The following SEL1L3 variants were observed in gnomAD, a reference collection of about 807,000 sequenced individuals.
The protein encoded by SEL1L3 is protein sel-1 homolog 3.
SEL1L3 carries 76 observed loss-of-function variants against 142.8 expected under a neutral mutation model. That is an observed-to-expected ratio of 0.53 (90% confidence interval 0.44 to 0.64). The LOEUF is 0.64. Among genes scored for constraint, SEL1L3 ranks in the 30% least tolerant of loss-of-function variants. SEL1L3 has a pLI of 0.00. For synonymous variants in SEL1L3, 504 were observed against 519.6 expected (o/e 0.97, Z 0.41); for missense variants, 1,262 against 1,381.7 (o/e 0.91, Z 1.37).
intron 13 of SEL1L3, among the ~76,000 whole-genome samples, chr4:25,784,564 TG>T (rs35610827): frequency 6.6e-6 from 1 of 152,164 alleles, no homozygotes; most frequent in Non-Finnish European, 1.5e-5. Context: ...CAGGTACTAC[TG>T]GGGGAAGATA....
chr4:25,862,760 CG>C lies in SEL1L3; in HGVS notation c.76del (p.Arg26GlyfsTer29). Reference sequence around the variant, plus strand: ...GCCACTCGGGACCATGGCTGCGGCCCGGGGGCCGACCGCGAGCGGCGGGGGT... The same window carrying C: ...GCCACTCGGGACCATGGCTGCGGCCCGGGGCCGACCGCGAGCGGCGGGGGT... Reference protein sequence around the residue: ...QQPPPLAVGPRAAAMVPSGGV... With the variant: ...QQPPPLAVGPXAAAMVPSGGV... On this transcript the variant is annotated frameshift_variant, in exon 1 of 24. Coordinates refer to ENST00000399878, the MANE Select transcript of SEL1L3 (RefSeq NM_015187.5). LOFTEE classifies it high-confidence loss of function. 6 of 1,208,638 alleles carry C rather than the reference CG, an allele frequency of 5.0e-6. No individual in the cohort carries two copies. The highest frequency in any genetic ancestry group is 3.9e-5 in the South Asian group (1 of 25,724). The allele number at this position is 1,208,638 out of a possible 1,614,324, so 74.9% of individuals were successfully genotyped here. A position where few individuals can be genotyped will look rare whatever the true frequency, so the allele number is the denominator to read the frequency against.
At chr4:25,855,885 G>A (rs370478484) in intron 1 of SEL1L3, among the ~76,000 whole-genome samples, 1 of 152,128 alleles carries the variant, frequency 6.6e-6, no homozygotes. Context: ...TCTTATACTC[G>A]TAAGTTCTCT....
At chr4:25,787,680 T>C (rs1030037364) in intron 13 of SEL1L3, among the ~76,000 whole-genome samples, 3 of 152,194 alleles carry the variant, frequency 2.0e-5, no homozygotes, top group Admixed American at 2.0e-4. Flanking sequence ...GGTCCTATTA[T>C]CTCACTCAAT....
the SEL1L3 span, among the ~76,000 whole-genome samples, chr4:25,717,379 G>T: frequency 3.3e-5 from 5 of 152,084 alleles, no homozygotes; most frequent in African/African-American, 4.8e-5. Flanking sequence ...AAAAACCAAT[G>T]ATTGTGCAGG....
rs147869619 is a variant in SEL1L3 at position 25,837,856 on chromosome 4, A to C, written c.734-2533T>G. Among the ~76,000 whole-genome samples the C allele has an allele frequency of 4.3e-4, 65 of 152,282 alleles. No homozygotes were observed. In the East Asian group the frequency reaches 9.8e-3, roughly 23 times the overall value. Reference sequence around the variant, plus strand: ...ATGGCTGAGTGCAATGCTATAATTGACTAGTGATGTCTTGTCATGGGCAGT... The same window carrying C: ...ATGGCTGAGTGCAATGCTATAATTGCCTAGTGATGTCTTGTCATGGGCAGT... On this transcript the variant is annotated intron_variant, in intron 2 of 23. Transcript: ENST00000399878.
chr4:25,766,456 A>AT (rs1352185717), intron 19 of SEL1L3, among the ~76,000 whole-genome samples: 4 of 146,718 alleles, frequency 2.7e-5, no homozygotes, highest in Non-Finnish European at 4.5e-5. Context: ...AAAAAAAAAA[A>AT]GGGTGTATGT....
chr4:25,855,763 G>GAA (rs199696597), intron 1 of SEL1L3, among the ~76,000 whole-genome samples: 2 of 145,156 alleles, frequency 1.4e-5, no homozygotes, highest in Admixed American at 6.9e-5. Context: ...TCCGTCTCAG[G>GAA]AAAAAAAAAA....
intron 17 of SEL1L3, among the ~76,000 whole-genome samples, chr4:25,770,875 T>C (rs1293979822): frequency 1.3e-5 from 2 of 152,220 alleles, no homozygotes; most frequent in South Asian, 2.1e-4. Context: ...TACTGAGCAG[T>C]GAGCTCTAGG....
At chr4:25,778,639 A>G (rs1455289922) in intron 16 of SEL1L3, among the ~76,000 whole-genome samples, 1 of 152,144 alleles carries the variant, frequency 6.6e-6, no homozygotes, top group Non-Finnish European at 1.5e-5. Flanking sequence ...GAGTGAGCTG[A>G]GTAGTGGGAG....
chr4:25,834,314 C>T (rs1392017443), intron 3 of SEL1L3, among the ~76,000 whole-genome samples: 1 of 152,180 alleles, frequency 6.6e-6, no homozygotes, highest in Non-Finnish European at 1.5e-5. Flanking sequence ...ACTGAACACC[C>T]CTTGATACCG....
intron 2 of SEL1L3, among the ~76,000 whole-genome samples, chr4:25,839,426 C>A (rs115034238): frequency 0.012 from 1,864 of 152,242 alleles, 40 homozygotes; most frequent in African/African-American, 0.042. Context: ...TGGTTAAAAG[C>A]AACAGCATGA....
At chr4:25,770,169 C>T (rs67405418) in intron 17 of SEL1L3, 40,811 of 152,044 alleles carry the variant, frequency 0.27, 6,160 homozygotes, top group Admixed American at 0.34. Context: ...AACCAATAGG[C>T]TGGTTGTCAG....
At chr4:25,818,051 A>G (rs747151013) in intron 9 of SEL1L3, 87 bp downstream of exon 9, 2 of 1,390,958 alleles carry the variant, frequency 1.4e-6, no homozygotes, top group Admixed American at 2.5e-5. Flanking sequence ...ACTTTAAGGC[A>G]TAAATCACCA....
intron 11 of SEL1L3, among the ~76,000 whole-genome samples, chr4:25,794,276 T>A (rs1303303015): frequency 2.0e-5 from 3 of 152,230 alleles, no homozygotes; most frequent in African/African-American, 7.2e-5. Context: ...CTTACCCATC[T>A]GACAAAAGTC....
intron 17 of SEL1L3, among the ~76,000 whole-genome samples, chr4:25,770,998 C>A (rs1719140733): frequency 6.6e-6 from 1 of 152,216 alleles, no homozygotes; most frequent in African/African-American, 2.4e-5. Context: ...TCTTGCTTAA[C>A]TGTGTTTCAA....
chr4:25,737,189 T>A, the SEL1L3 span, among the ~76,000 whole-genome samples: 2 of 152,188 alleles, frequency 1.3e-5, no homozygotes, highest in Non-Finnish European at 1.5e-5. Flanking sequence ...TTCCCCATGT[T>A]GGCCAGGCTG....
At chr4:25,738,017 G>C in the SEL1L3 span, among the ~76,000 whole-genome samples, 2 of 152,038 alleles carry the variant, frequency 1.3e-5, no homozygotes. Context: ...AGCCGCCTGA[G>C]TAGCTGGGAT....
chr4:25,772,055 C>A (rs1170163387), intron 17 of SEL1L3, among the ~76,000 whole-genome samples: 1 of 152,128 alleles, frequency 6.6e-6, no homozygotes. Context: ...AGGGGAGGGA[C>A]TGGGACATCG....
In SEL1L3 at chr4:25,800,407, G is replaced by A. The variant is rs544066946; in HGVS notation, c.1956+1876C>T. Among the ~76,000 whole-genome samples, 11 of 152,252 alleles carry A rather than the reference G, an allele frequency of 7.2e-5. No homozygotes were observed. The South Asian group carries it at 1.7e-3, about 23-fold the overall frequency. On this transcript the variant is annotated intron_variant, in intron 11 of 23. Transcript: ENST00000399878. ...TCAGGTGACTTTTCAGCTGCAAGACGGATCTTTTCTATTCATCTCCTCTGG... is the reference window on the plus strand; with the variant it reads ...TCAGGTGACTTTTCAGCTGCAAGACAGATCTTTTCTATTCATCTCCTCTGG...
Sources: allele counts gnomAD v4.1 joint callset (sites outside exome capture counted in the v4.1 genomes callset), GRCh38; gene constraint gnomAD v4.1.1; transcripts MANE v1.5; gene names NCBI Gene and HGNC (gene_info 2026-07-23, HGNC 2026-07-21).